Variants in MYBL2 observed in about 807,000 individuals in gnomAD.
MYBL2 encodes MYB proto-oncogene like 2.
MYBL2 carries 28 observed loss-of-function variants against 79.9 expected under a neutral mutation model. That is an observed-to-expected ratio of 0.35 (90% CI 0.26 to 0.48). MYBL2 has a LOEUF of 0.48. MYBL2 is among the 20% of genes least tolerant of loss of function. MYBL2 has a pLI of 0.99. For synonymous variants in MYBL2, 378 were observed against 361.2 expected (o/e 1.05, Z -0.53); for missense variants, 735 against 893.9 (o/e 0.82, Z 2.27).
chr20:43,714,424 A>G (rs2145737634), intron 12 of MYBL2, among the ~76,000 whole-genome samples: 1 of 152,340 alleles, frequency 6.6e-6, no homozygotes, highest in Admixed American at 6.5e-5. Context: ...GATAATGCTC[A>G]GTGATACTCC....
At chr20:43,705,642 G>A (rs1047027656) in intron 9 of MYBL2, among the ~76,000 whole-genome samples, 3 of 151,566 alleles carry the variant, frequency 2.0e-5, no homozygotes, top group African/African-American at 4.8e-5. Context: ...GACTCCAGGT[G>A]CATGCCACCA....
At chr20:43,707,415 T>C (rs1484188046) in intron 9 of MYBL2, among the ~76,000 whole-genome samples, 2 of 152,152 alleles carry the variant, frequency 1.3e-5, no homozygotes, top group Non-Finnish European at 2.9e-5. Context: ...TTCCAATTCC[T>C]TTTTTCCATA....
At chr20:43,710,885 C>T (rs900457406) in intron 10 of MYBL2, among the ~76,000 whole-genome samples, 8 of 152,188 alleles carry the variant, frequency 5.3e-5, no homozygotes, top group African/African-American at 1.7e-4. Flanking sequence ...TCTGCATGCT[C>T]TCCAAACAGG....
chr20:43,715,899 C>T, intron 13 of MYBL2, 60 bp from the exon 14 acceptor site: 1 of 1,537,590 alleles, frequency 6.5e-7, no homozygotes, highest in Non-Finnish European at 8.7e-7. Context: ...CCAGGATCAC[C>T]AGGGTCTGTT....
At chr20:43,688,377 T>C (rs1987329955) in intron 5 of MYBL2, among the ~76,000 whole-genome samples, 1 of 152,016 alleles carries the variant, frequency 6.6e-6, no homozygotes, top group Non-Finnish European at 1.5e-5. Context: ...AATTTTTGTA[T>C]TTTTAGTAGA....
At chr20:43,698,403 A>T (rs1600557569) in intron 6 of MYBL2, among the ~76,000 whole-genome samples, 1 of 103,058 alleles carries the variant, frequency 9.7e-6, no homozygotes, top group African/African-American at 4.1e-5. Flanking sequence ...TTTGAGACAG[A>T]GTCTCGTTCT....
chr20:43,693,014 A>G (rs1987449272), intron 6 of MYBL2, among the ~76,000 whole-genome samples: 2 of 152,162 alleles, frequency 1.3e-5, no homozygotes, highest in African/African-American at 4.8e-5. Flanking sequence ...TTAACAATTA[A>G]AATCCTATAG....
intron 7 of MYBL2, among the ~76,000 whole-genome samples, chr20:43,700,421 C>T (rs1287157231): frequency 1.3e-5 from 2 of 152,130 alleles, no homozygotes; most frequent in Non-Finnish European, 2.9e-5. Context: ...TGAAGAGGAG[C>T]CCAGGAAATG....
intron 1 of MYBL2, among the ~76,000 whole-genome samples, chr20:43,669,976 C>G (rs754036377): frequency 6.6e-6 from 1 of 152,152 alleles, no homozygotes; most frequent in African/African-American, 2.4e-5. Context: ...TGGTGGTAGG[C>G]GCCTGTAAGC....
intron 6 of MYBL2, among the ~76,000 whole-genome samples, chr20:43,696,314 C>T (rs1305678301): frequency 6.6e-6 from 1 of 151,482 alleles, no homozygotes; most frequent in Non-Finnish European, 1.5e-5. Context: ...GATCTTGGCT[C>T]ACCGCAACCT....
rs1249795502 is a variant in MYBL2 at position 43,667,173 on chromosome 20, G to A, written c.-111G>A. 13 of 667,688 alleles carry A rather than the reference G, an allele frequency of 1.9e-5. No homozygotes were observed. Among genetic ancestry groups the A allele is most frequent in the Non-Finnish European group, 2.6e-5 (13 of 501,292 alleles). The allele number at this position is 667,688 out of a possible 1,614,324, so 41.4% of individuals were successfully genotyped here. A position where few individuals can be genotyped will look rare whatever the true frequency, so the allele number is the denominator to read the frequency against. ...TGCTGACACGCTGACGCCTTCGAGC[G>A]CGGCCCGGGGCCCGGAGCGGCCGGA... is the stretch of plus-strand genomic sequence containing the variant. On this transcript the variant is annotated 5_prime_UTR_variant, in exon 1 of 14. Transcript: ENST00000217026.
intron 12 of MYBL2, among the ~76,000 whole-genome samples, chr20:43,713,835 G>A (rs1288385800): frequency 6.6e-6 from 1 of 152,174 alleles, no homozygotes; most frequent in Non-Finnish European, 1.5e-5. Flanking sequence ...GCAGAGCCTG[G>A]GTCCCCAGAA....
At chr20:43,696,147 T>C (rs959161249) in intron 6 of MYBL2, among the ~76,000 whole-genome samples, 1 of 152,240 alleles carries the variant, frequency 6.6e-6, no homozygotes, top group African/African-American at 2.4e-5. Flanking sequence ...ATTATAAAAT[T>C]GTTTCCTCTG....
chr20:43,689,801 G>A (rs961429653), intron 5 of MYBL2, among the ~76,000 whole-genome samples: 1 of 152,194 alleles, frequency 6.6e-6, no homozygotes, highest in South Asian at 2.1e-4. Context: ...ATAATGCCTG[G>A]CACACAGTGG....
chr20:43,673,635 C>T (rs201850618), intron 1 of MYBL2, 171 bp from the exon 2 acceptor site: 83 of 716,270 alleles, frequency 1.2e-4, no homozygotes, highest in Middle Eastern at 7.2e-4. Flanking sequence ...GAGACCCTGT[C>T]TCAATAAAAA....
intron 2 of MYBL2, among the ~76,000 whole-genome samples, chr20:43,679,281 T>A (rs1374063536): frequency 6.6e-6 from 1 of 152,184 alleles, no homozygotes; most frequent in African/African-American, 2.4e-5. Context: ...TGTGACCAAT[T>A]TTTCTGTCTA....
intron 6 of MYBL2, among the ~76,000 whole-genome samples, chr20:43,698,297 G>C (rs542468571): frequency 1.3e-5 from 2 of 149,824 alleles, no homozygotes; most frequent in African/African-American, 4.9e-5. Flanking sequence ...GGATCTGTCT[G>C]CCTTGGCCTC....
intron 9 of MYBL2, among the ~76,000 whole-genome samples, chr20:43,705,975 C>CA (rs1239714693): frequency 6.6e-6 from 1 of 152,216 alleles, no homozygotes; most frequent in Non-Finnish European, 1.5e-5. Context: ...GCTGGGATTA[C>CA]AGGCGTGAGC....
At position 43,674,224 on chromosome 20, in the gene MYBL2, T is replaced by TCCCCCC. The variant is rs149334286; in HGVS notation, c.114+326_114+331dup. On this transcript the variant is annotated intron_variant, in intron 2 of 13. Transcript: ENST00000217026. Reference sequence around the variant, plus strand: ...TAGGAGGTTTGGCCAAATCTGTAACTCCCCCCACCCTTTTTTTTTTTTTTT... The same window carrying TCCCCCC: ...TAGGAGGTTTGGCCAAATCTGTAACTCCCCCCCCCCCCACCCTTTTTTTTTTTTTTT... Among the ~76,000 whole-genome samples, 10 of 58,202 alleles carry TCCCCCC rather than the reference T, an allele frequency of 1.7e-4. 1 individual carries two copies. Among genetic ancestry groups the TCCCCCC allele is most frequent in the African/African-American group, 5.3e-4 (10 of 18,846 alleles). The allele number at this position is 58,202 out of a possible 152,430, so 38.2% of individuals were successfully genotyped here.
Sources: allele counts gnomAD v4.1 joint callset (sites outside exome capture counted in the v4.1 genomes callset), GRCh38; gene constraint gnomAD v4.1.1; transcripts MANE v1.5; gene names NCBI Gene and HGNC (gene_info 2026-07-23, HGNC 2026-07-21).